MBTD1: variants seen among roughly 807,000 people sequenced by gnomAD.
The protein encoded by MBTD1 is mbt domain containing 1.
MBTD1 carries 24 observed loss-of-function variants against 87.8 expected under a neutral mutation model. The observed-to-expected ratio is 0.27, with a 90% CI of 0.20 to 0.38. MBTD1 has a LOEUF of 0.38. Among genes scored for constraint, MBTD1 ranks in the 10% least tolerant of loss-of-function variants. The pLI, the probability that MBTD1 is intolerant of heterozygous loss-of-function variation, is 1.00. For missense variants in MBTD1, 436 were observed against 760.2 expected (o/e 0.57, Z 5.02); for synonymous variants, 237 against 248.6 (o/e 0.95, Z 0.44).
chr17:51,255,584 T>C (rs2055039197), intron 2 of MBTD1, among the ~76,000 whole-genome samples: 1 of 151,334 alleles, frequency 6.6e-6, no homozygotes, highest in Non-Finnish European at 1.5e-5. Flanking sequence ...TAGATGATGA[T>C]AACCTTTTTT....
intron 10 of MBTD1, among the ~76,000 whole-genome samples, chr17:51,202,395 G>C (rs943811129): frequency 2.0e-5 from 3 of 152,088 alleles, no homozygotes; most frequent in African/African-American, 7.2e-5. Context: ...TTGCTATTTT[G>C]ATTAAAATTG....
chr17:51,201,830 G>C, intron 11 of MBTD1, 134 bp from the exon 12 acceptor site: 1 of 750,028 alleles, frequency 1.3e-6, no homozygotes, highest in South Asian at 1.6e-5. Context: ...CTTCCATTAA[G>C]GTTTAGAGAG....
intron 2 of MBTD1, chr17:51,256,728 G>A (rs892500563): frequency 6.6e-6 from 1 of 152,168 alleles, no homozygotes; most frequent in Non-Finnish European, 1.5e-5. Flanking sequence ...ACAACCACAT[G>A]TGGCTAGTGG....
chr17:51,203,634 T>C lies in MBTD1; in HGVS notation c.739+157A>G, dbSNP rs565973394. ...CTGGTCTCAAACTCCTGACCTCAAGTGATCCGACTGCCTTGGCCTCCCAAA... is the reference window on the plus strand; with the variant it reads ...CTGGTCTCAAACTCCTGACCTCAAGCGATCCGACTGCCTTGGCCTCCCAAA... On this transcript the variant is annotated intron_variant, in intron 8 of 16. Coordinates refer to ENST00000586178, the MANE Select transcript of MBTD1 (RefSeq NM_017643.3). Among the ~76,000 whole-genome samples the C allele has an allele frequency of 9.2e-5, 14 of 152,342 alleles. No homozygotes were observed. The East Asian group carries it at 2.7e-3, about 29-fold the overall frequency.
upstream of MBTD1, chr17:51,260,388 G>C: frequency 1.6e-6 from 1 of 614,502 alleles, no homozygotes; most frequent in South Asian, 2.2e-5. Flanking sequence ...TGGCCCTCCC[G>C]GAGGAACTCC....
rs776279562 is a variant in MBTD1 at position 51,178,938 on chromosome 17, A to G, written c.*1638T>C. 3.9e-5 allele frequency: 6 copies of G among 152,216 alleles called. No homozygotes were observed. Among genetic ancestry groups the G allele is most frequent in the African/African-American group, 9.6e-5 (4 of 41,466 alleles). 9.4% of individuals were successfully genotyped at this position (152,216 alleles called of 1,614,324 possible). ...CTTATGTTATTAACCCCTCTTGCAT[A>G]GAATGAGGTAAACCTGTGCGTATTA... On this transcript the variant is annotated 3_prime_UTR_variant, in exon 17 of 17. Transcript: ENST00000586178.
chr17:51,231,940 T>G (rs1411619149), intron 2 of MBTD1, among the ~76,000 whole-genome samples: 1 of 152,166 alleles, frequency 6.6e-6, no homozygotes, highest in Non-Finnish European at 1.5e-5. Flanking sequence ...ATTTATCCTA[T>G]GTAAAACTTA....
intron 12 of MBTD1, among the ~76,000 whole-genome samples, chr17:51,197,331 G>A (rs1045894488): frequency 4.0e-5 from 6 of 151,034 alleles, no homozygotes; most frequent in African/African-American, 1.5e-4. Flanking sequence ...TAAATTCCTG[G>A]CCTCAAGTGA....
At chr17:51,237,140 A>C (rs1426090047) in intron 2 of MBTD1, among the ~76,000 whole-genome samples, 1 of 151,990 alleles carries the variant, frequency 6.6e-6, no homozygotes, top group Non-Finnish European at 1.5e-5. Flanking sequence ...CTACAAAAAT[A>C]CAAAAATTAG....
intron 2 of MBTD1, among the ~76,000 whole-genome samples, chr17:51,257,569 A>G (rs553924300): frequency 1.3e-5 from 2 of 152,346 alleles, no homozygotes; most frequent in South Asian, 4.1e-4. Context: ...TTTAGATAAT[A>G]AGGTCAACAT....
At chr17:51,182,800 AAT>A in intron 16 of MBTD1, among the ~76,000 whole-genome samples, 1 of 152,346 alleles carries the variant, frequency 6.6e-6, no homozygotes, top group East Asian at 1.9e-4. Context: ...CAGAGAAAAA[AAT>A]CAACTGATGA....
intron 3 of MBTD1, among the ~76,000 whole-genome samples, chr17:51,221,130 C>CA (rs566290841): frequency 5.9e-4 from 89 of 151,856 alleles, no homozygotes; most frequent in African/African-American, 2.0e-3. Flanking sequence ...CCAGTATCTT[C>CA]AAAAAATAAA....
intron 2 of MBTD1, among the ~76,000 whole-genome samples, chr17:51,237,025 C>T (rs750424693): frequency 6.6e-6 from 1 of 151,990 alleles, no homozygotes; most frequent in Non-Finnish European, 1.5e-5. Context: ...CGGCCAGGCA[C>T]GGTGGCTCAC....
intron 2 of MBTD1, among the ~76,000 whole-genome samples, chr17:51,254,090 A>T (rs891109220): frequency 1.3e-5 from 2 of 152,238 alleles, no homozygotes; most frequent in Non-Finnish European, 2.9e-5. Flanking sequence ...AAATTTTTAT[A>T]TTTAGCTATG....
Position 51,201,617 on chromosome 17 carries a change from G to A in MBTD1, c.1199C>T (p.Thr400Ile), listed in dbSNP as rs1177122993. ...LEAIDPLNLS[T>I]ICVATIRKVL... ...CTTTCTAATGGTTGCGACACATATT[G>A]TAGAAAGATTTAATGGGTCTATAGC... The change falls in exon 12 of 17, where the codon ACA (threonine) becomes ATA (isoleucine). Residue 400 changes from threonine (T) to isoleucine (I), a missense_variant. Thr to Ile is a moderately conservative substitution (Grantham distance 89). This residue lies in a region of MBTD1 where 268 missense variants were observed against 401.8 expected (regional missense o/e 0.67). Transcript: ENST00000586178. 1 of 1,606,864 alleles carries A rather than the reference G, an allele frequency of 6.2e-7. No individual in the cohort carries two copies. Among genetic ancestry groups the A allele is most frequent in the Non-Finnish European group, 8.5e-7 (1 of 1,175,530 alleles).
At position 51,217,442 on chromosome 17, in the gene MBTD1, T is replaced by C. The variant is rs1188216059; in HGVS notation, c.404-26A>G. The C allele has an allele frequency of 2.7e-6, 3 of 1,107,446 alleles. No homozygotes were observed. In the Admixed American group the frequency reaches 8.2e-5, roughly 30 times the overall value. The allele number at this position is 1,107,446 out of a possible 1,614,324, so 68.6% of individuals were successfully genotyped here. On this transcript the variant is annotated intron_variant, in intron 5 of 16. Transcript: ENST00000586178. The stretch of plus-strand genomic sequence containing the variant: ...CTAAAATGAAACAAATTTAGATGTA[T>C]TATAATTCTCAAATCTTTTATTTAT...
intron 16 of MBTD1, among the ~76,000 whole-genome samples, chr17:51,191,147 T>C (rs2050788408): frequency 1.3e-5 from 2 of 152,132 alleles, no homozygotes; most frequent in African/African-American, 4.8e-5. Flanking sequence ...TATGGCTTTC[T>C]ATGGTGGGGA....
chr17:51,211,064 G>T (rs2052170560), intron 6 of MBTD1, among the ~76,000 whole-genome samples: 1 of 149,970 alleles, frequency 6.7e-6, no homozygotes, highest in African/African-American at 2.5e-5. Flanking sequence ...TTGAACCCAG[G>T]AGGCGAAGTT....
intron 2 of MBTD1, among the ~76,000 whole-genome samples, chr17:51,255,821 C>T (rs1392758980): frequency 6.6e-6 from 1 of 152,076 alleles, no homozygotes; most frequent in African/African-American, 2.4e-5. Flanking sequence ...TGATCTTGAA[C>T]TCCTGGGTTC....
Sources: gnomAD v4.1 joint callset for allele counts (sites outside exome capture counted in the v4.1 genomes callset) on GRCh38, gnomAD v4.1.1 for gene constraint, gnomAD v4.1.1 regional missense constraint, MANE v1.5 for transcripts, NCBI Gene and HGNC (gene_info 2026-07-23, HGNC 2026-07-21) for gene names.